Variants in DMD observed in about 807,000 individuals in gnomAD.
The protein encoded by DMD is mutant dystrophin.
A neutral mutation model predicts 330.1 loss-of-function variants in DMD; 63 were observed. The observed-to-expected ratio is 0.19, with a 90% CI of 0.16 to 0.24. The LOEUF is 0.24. Ranked by LOEUF, DMD falls within the 10% of genes least tolerant of loss-of-function variation. The pLI is 1.00. For synonymous variants in DMD, 1,223 were observed against 959.8 expected, an observed-to-expected ratio of 1.27 and a Z score of -5.07; for missense variants, 3,344 against 2,684.1, an observed-to-expected ratio of 1.25 and a Z score of -5.43.
chrX:32,572,805 T>C (rs1431891110), intron 15 of DMD, among the ~76,000 whole-genome samples: 1 of 111,132 alleles, frequency 9.0e-6, no homozygotes, highest in East Asian at 2.8e-4. Flanking sequence ...TGGGAGGTGA[T>C]TGGCTCATGA....
At chrX:32,038,878 C>T (rs761436881) in intron 44 of DMD, among the ~76,000 whole-genome samples, 1 of 111,425 alleles carries the variant, frequency 9.0e-6, no homozygotes, top group Admixed American at 9.6e-5. Context: ...TCTCAAAGGG[C>T]TTACAATTTC....
intron 7 of DMD, among the ~76,000 whole-genome samples, chrX:32,803,862 T>C (rs2076764527): frequency 8.9e-6 from 1 of 112,024 alleles, no homozygotes; most frequent in Non-Finnish European, 1.9e-5. Flanking sequence ...CTGAGGAGTA[T>C]TTTACTTCCA....
intron 44 of DMD, among the ~76,000 whole-genome samples, chrX:32,057,247 C>T (rs965343588): frequency 2.7e-5 from 3 of 111,220 alleles, no homozygotes; most frequent in East Asian, 2.8e-4. Context: ...TTTTCAAAAT[C>T]GTACCAGAAG....
intron 59 of DMD, among the ~76,000 whole-genome samples, chrX:31,450,239 C>T (rs759011906): frequency 9.0e-6 from 1 of 111,604 alleles, no homozygotes; most frequent in Admixed American, 9.5e-5. Context: ...GTACTTATTC[C>T]GGGGCTCTTC....
At chrX:33,066,461 A>AAAAAGGAAGGAAGG (rs754870790) in intron 1 of DMD, among the ~76,000 whole-genome samples, 15 of 84,201 alleles carry the variant, frequency 1.8e-4, no homozygotes, top group Admixed American at 3.2e-4. Flanking sequence ...AAAAAAAAAA[A>AAAAAGGAAGGAAGG]AAGGAAGGAA....
At chrX:31,529,335 T>C (rs2073515483) in intron 55 of DMD, among the ~76,000 whole-genome samples, 1 of 110,430 alleles carries the variant, frequency 9.1e-6, no homozygotes, top group African/African-American at 3.3e-5. Context: ...CAGTGAGCTA[T>C]GATCATGCCA....
chrX:31,373,975 G>A (rs1406087542), intron 60 of DMD, among the ~76,000 whole-genome samples: 2 of 107,891 alleles, frequency 1.9e-5, no homozygotes, highest in Non-Finnish European at 3.8e-5. Flanking sequence ...AAATGTACAA[G>A]AAAAAAACAA....
chrX:31,437,581 T>A (rs1434315253), intron 60 of DMD, among the ~76,000 whole-genome samples: 1 of 111,157 alleles, frequency 9.0e-6, no homozygotes, highest in Non-Finnish European at 1.9e-5. Context: ...TAGGCACATG[T>A]AAAAATTTTG....
At chrX:32,325,258 AGAG>A (rs2097645273) in intron 41 of DMD, among the ~76,000 whole-genome samples, 2 of 111,253 alleles carry the variant, frequency 1.8e-5, no homozygotes, top group South Asian at 3.8e-4. Context: ...GAAGAAATGA[AGAG>A]TAGTAAAGTT....
chrX:32,564,145 A>G lies in DMD; in HGVS notation c.1992+1557T>C, dbSNP rs1430538505. Among the ~76,000 whole-genome samples the G allele has an allele frequency of 3.6e-5, 4 of 111,459 alleles. No individual in the cohort carries two copies. The Admixed American group carries it at 3.8e-4, about 11-fold the overall frequency. ...TTATGGATGAGATTTTCTGAGCAAA[A>G]TGTTTAGGAATATGCATTTTAATTA... On this transcript the variant is annotated intron_variant, in intron 16 of 78. Coordinates refer to ENST00000357033, the MANE Select transcript of DMD (RefSeq NM_004006.3).
chrX:32,752,973 T>A (rs1328977355), intron 7 of DMD, among the ~76,000 whole-genome samples: 2 of 111,120 alleles, frequency 1.8e-5, no homozygotes, highest in Non-Finnish European at 3.8e-5. Flanking sequence ...TTTTGCTGTA[T>A]AAATTACCCA....
intron 61 of DMD, among the ~76,000 whole-genome samples, chrX:31,337,137 T>G (rs1423920258): frequency 9.1e-6 from 1 of 109,413 alleles, no homozygotes; most frequent in South Asian, 4.0e-4. Flanking sequence ...GTTGGCCAGG[T>G]TGGTCTCCAA....
At chrX:32,746,632 A>G (rs1254195646) in intron 7 of DMD, among the ~76,000 whole-genome samples, 1 of 112,168 alleles carries the variant, frequency 8.9e-6, no homozygotes, top group African/African-American at 3.2e-5. Flanking sequence ...CTATATGAAT[A>G]TAACATGTAA....
At chrX:32,831,919 G>A (rs956922056) in intron 4 of DMD, among the ~76,000 whole-genome samples, 1 of 110,692 alleles carries the variant, frequency 9.0e-6, no homozygotes, top group Non-Finnish European at 1.9e-5. Flanking sequence ...TATGGTGTCT[G>A]CCTCTTCTTG....
At chrX:32,562,708 C>T (rs2051166885) in intron 16 of DMD, among the ~76,000 whole-genome samples, 1 of 112,225 alleles carries the variant, frequency 8.9e-6, no homozygotes, top group Non-Finnish European at 1.9e-5. Flanking sequence ...TGGAATTCTC[C>T]TTATGTAATT....
chrX:33,186,715 C>A (rs1020456580), intron 1 of DMD, among the ~76,000 whole-genome samples: 1 of 110,012 alleles, frequency 9.1e-6, no homozygotes. Flanking sequence ...TGAAGTAATC[C>A]AGCGTGTAAT....
At chrX:32,034,896 T>C (rs986114956) in intron 44 of DMD, among the ~76,000 whole-genome samples, 2 of 111,983 alleles carry the variant, frequency 1.8e-5, no homozygotes, top group Admixed American at 9.5e-5. Flanking sequence ...TACTAAAAAA[T>C]TAATTATCTT....
At chrX:32,783,128 CATATATGTATATAT>C (rs2074978158) in intron 7 of DMD, among the ~76,000 whole-genome samples, 1 of 98,847 alleles carries the variant, frequency 1.0e-5, no homozygotes, top group African/African-American at 3.7e-5. Context: ...TATGTATATA[CATATATGTATATAT>C]ATATACCATA....
chrX:31,564,769 T>C (rs749765509), intron 55 of DMD, among the ~76,000 whole-genome samples: 2 of 112,171 alleles, frequency 1.8e-5, no homozygotes, highest in South Asian at 7.5e-4. Flanking sequence ...TATTTGCATA[T>C]AGACATAGAC....
Sources: allele counts gnomAD v4.1 joint callset (sites outside exome capture counted in the v4.1 genomes callset), GRCh38; gene constraint gnomAD v4.1.1; transcripts MANE v1.5; gene names NCBI Gene and HGNC (gene_info 2026-07-23, HGNC 2026-07-21).